SAMD11: variants seen among roughly 807,000 people sequenced by gnomAD.
SAMD11 encodes sterile alpha motif domain containing 11.
A neutral mutation model predicts 64.4 loss-of-function variants in SAMD11; 77 were observed. The observed-to-expected ratio is 1.20, with a 90% confidence interval of 0.99 to 1.44. SAMD11 has a LOEUF of 1.44. SAMD11 is among the 40% of genes most tolerant of loss of function. The pLI, the probability that SAMD11 is intolerant of heterozygous loss-of-function variation, is 0.00. For synonymous variants in SAMD11, 658 were observed against 421.9 expected (o/e 1.56, Z -6.86); for missense variants, 1,402 against 943.3 (o/e 1.49, Z -6.37).
At position 942,156 on chromosome 1, in the gene SAMD11, C is replaced by T. The variant is rs767189715; in HGVS notation, c.1379C>T (p.Pro460Leu). The T allele has an allele frequency of 1.4e-6, 2 of 1,399,884 alleles. No individual in the cohort carries two copies. Among genetic ancestry groups the T allele is most frequent in the African/African-American group, 1.5e-5 (1 of 67,664 alleles). 86.7% of individuals were successfully genotyped at this position (1,399,884 alleles called of 1,614,324 possible). A position where few individuals can be genotyped will look rare whatever the true frequency, so the allele number is the denominator to read the frequency against. The change falls in exon 9 of 14, where the codon CCC becomes CTC. Residue 460 changes from proline to leucine, a missense_variant. Transcript: ENST00000616016. ...CACAGGGAGCTGCCTCAGCCGCCCC[C>T]CTTGCTGTCGCCGCAGAATGCCCCT... Reference protein sequence around the residue: ...FSERELPQPPPLLSPQNAPHV... With the variant: ...FSERELPQPPLLLSPQNAPHV...
Position 944,512 on chromosome 1 carries a change from C to T in SAMD11, c.*359C>T, listed in dbSNP as rs1455059711. 4.8e-6 allele frequency: 3 copies of T among 621,732 alleles called. No individual in the cohort carries two copies. Among genetic ancestry groups the T allele is most frequent in the South Asian group, 4.1e-5 (2 of 48,772 alleles). The allele number at this position is 621,732 out of a possible 1,614,324, so 38.5% of individuals were successfully genotyped here. A position where few individuals can be genotyped will look rare whatever the true frequency, so the allele number is the denominator to read the frequency against. On this transcript the variant is annotated 3_prime_UTR_variant, in exon 14 of 14. Transcript: ENST00000616016. ...GTGGGGCTTCAGCAGCCACACCAGC[C>T]CAGCCCAGCCCAGCTCTCGATACGT...
chr1:941,559 C>T (rs921068995), intron 8 of SAMD11, among the ~76,000 whole-genome samples: 1 of 152,142 alleles, frequency 6.6e-6, no homozygotes. Context: ...AGCTCCAAGT[C>T]TGGAACCCCG....
intron 1 of SAMD11, chr1:925,666 A>G: frequency 2.6e-6 from 1 of 384,394 alleles, no homozygotes; most frequent in Non-Finnish European, 4.8e-6. Context: ...GCGCGGGAGG[A>G]GGGGCGCCGG....
At chr1:933,498 G>T (rs1264201608) in intron 4 of SAMD11, among the ~76,000 whole-genome samples, 1 of 152,108 alleles carries the variant, frequency 6.6e-6, no homozygotes. Context: ...CCAACCTCTG[G>T]AGTCTCTGGG....
At chr1:941,117 GGA>G (rs755331663) in intron 7 of SAMD11, 25 bp from the exon 8 acceptor site, 12 of 1,571,436 alleles carry the variant, frequency 7.6e-6, no homozygotes, top group Non-Finnish European at 1.0e-5. Context: ...ATAGCCGGGG[GGA>G]TCACTGCTGT....
At chr1:933,262 C>T (rs1174362755) in intron 4 of SAMD11, among the ~76,000 whole-genome samples, 1 of 152,248 alleles carries the variant, frequency 6.6e-6, no homozygotes, top group Non-Finnish European at 1.5e-5. Context: ...GCATAACTGG[C>T]TCACTGAGTG....
At chr1:930,071 G>T in intron 2 of SAMD11, 84 bp from the exon 3 acceptor site, 3 of 1,445,646 alleles carry the variant, frequency 2.1e-6, no homozygotes, top group Non-Finnish European at 2.8e-6. Flanking sequence ...GAGATGGAAC[G>T]GCCCGGTCCA....
intron 2 of SAMD11, among the ~76,000 whole-genome samples, chr1:928,316 C>T (rs35717056): frequency 0.024 from 3,652 of 152,254 alleles, 143 homozygotes; most frequent in East Asian, 0.12. Context: ...GGCATGAACC[C>T]GGGAGGCGGA....
intron 8 of SAMD11, among the ~76,000 whole-genome samples, chr1:941,832 A>C (rs1443102681): frequency 2.0e-5 from 3 of 151,996 alleles, no homozygotes; most frequent in Non-Finnish European, 2.9e-5. Flanking sequence ...GATTGCGGCT[A>C]ATGACGCCCC....
intron 2 of SAMD11, among the ~76,000 whole-genome samples, chr1:927,446 C>T (rs1217575496): frequency 6.6e-6 from 1 of 152,174 alleles, no homozygotes; most frequent in African/African-American, 2.4e-5. Flanking sequence ...GGAGATGCCC[C>T]CCCACCTGGG....
chr1:933,467 C>G (rs1030592147), intron 4 of SAMD11, among the ~76,000 whole-genome samples: 1 of 152,186 alleles, frequency 6.6e-6, no homozygotes, highest in Non-Finnish European at 1.5e-5. Context: ...GGGCGCCAGG[C>G]TCGGGGCTCA....
intron 5 of SAMD11, among the ~76,000 whole-genome samples, chr1:938,321 T>C (rs1641570861): frequency 6.6e-6 from 1 of 151,880 alleles, no homozygotes; most frequent in Non-Finnish European, 1.5e-5. Context: ...CTGGGCTGTG[T>C]TTGGGGCTAG....
Position 935,240 on chromosome 1 carries a change from G to A in SAMD11, c.843-532G>A, listed in dbSNP as rs921428651. Among the ~76,000 whole-genome samples, 11 of 152,132 alleles carry A rather than the reference G, an allele frequency of 7.2e-5. No individual in the cohort carries two copies. The East Asian group carries it at 7.7e-4, about 11-fold the overall frequency. Reference sequence around the variant, plus strand: ...AGCACGCAGCCCTGGTGCCTGGTGCGAGCTGCACGTGTCTGCCGGTGCCGT... The same window carrying A: ...AGCACGCAGCCCTGGTGCCTGGTGCAAGCTGCACGTGTCTGCCGGTGCCGT... On this transcript the variant is annotated intron_variant, in intron 4 of 13. Transcript: ENST00000616016.
Position 926,024 on chromosome 1 carries a change from G to A in SAMD11, c.609+11G>A. On this transcript the variant is annotated intron_variant, in intron 2 of 13. Transcript: ENST00000616016. Reference sequence around the variant, plus strand: ...ATATCCTCCCCGGTGGTGAGATGCGGGGCTCGGTTGGGGCTGGGAGTTACT... The same window carrying A: ...ATATCCTCCCCGGTGGTGAGATGCGAGGCTCGGTTGGGGCTGGGAGTTACT... 1.2e-6 allele frequency: 2 copies of A among 1,609,912 alleles called. No individual in the cohort carries two copies. Among genetic ancestry groups the A allele is most frequent in the African/African-American group, 2.7e-5 (2 of 75,060 alleles).
At chr1:935,499 G>A (rs1163887695) in intron 4 of SAMD11, among the ~76,000 whole-genome samples, 1 of 152,170 alleles carries the variant, frequency 6.6e-6, no homozygotes, top group East Asian at 1.9e-4. Context: ...GGGCGTGAAG[G>A]CAGAGCCGGC....
intron 3 of SAMD11, among the ~76,000 whole-genome samples, 163 bp downstream of exon 3, chr1:930,499 C>T (rs915134207): frequency 6.6e-6 from 1 of 152,138 alleles, no homozygotes; most frequent in African/African-American, 2.4e-5. Context: ...GAGCTGTTTC[C>T]TCATCTGCCC....
intron 5 of SAMD11, among the ~76,000 whole-genome samples, chr1:938,732 G>A (rs941788156): frequency 6.6e-6 from 1 of 152,206 alleles, no homozygotes; most frequent in Non-Finnish European, 1.5e-5. Flanking sequence ...GGGGATGAGA[G>A]GGGGGCTCGT....
intron 4 of SAMD11, among the ~76,000 whole-genome samples, chr1:935,261 G>A (rs183751022): frequency 9.2e-5 from 14 of 152,292 alleles, no homozygotes; most frequent in African/African-American, 3.1e-4. Flanking sequence ...GTCTGCCGGT[G>A]CCGTGTGTGC....
intron 9 of SAMD11, 57 bp from the exon 10 acceptor site, chr1:942,353 G>C (rs1215411024): frequency 1.7e-6 from 2 of 1,204,130 alleles, no homozygotes; most frequent in African/African-American, 3.2e-5. Flanking sequence ...GGATTGCAAA[G>C]GGCCGGCTCG....
Sources: gnomAD v4.1 joint callset for allele counts (sites outside exome capture counted in the v4.1 genomes callset) on GRCh38, gnomAD v4.1.1 for gene constraint, MANE v1.5 for transcripts, NCBI Gene and HGNC (gene_info 2026-07-23, HGNC 2026-07-21) for gene names.